AFDN: variants seen among roughly 807,000 people sequenced by gnomAD.
AFDN encodes afadin.
In AFDN, 68 loss-of-function variants were observed where a neutral mutation model predicts 216.6. The observed-to-expected ratio is 0.31, with a 90% confidence interval of 0.26 to 0.38. The LOEUF is 0.38. Ranked by LOEUF, AFDN falls within the 10% of genes least tolerant of loss-of-function variation. The pLI, the probability that AFDN is intolerant of heterozygous loss-of-function variation, is 1.00. For synonymous variants in AFDN, 868 were observed against 853.7 expected, an observed-to-expected ratio of 1.02 and a Z score of -0.29; for missense variants, 2,136 against 2,342.0, an observed-to-expected ratio of 0.91 and a Z score of 1.82.
intron 1 of AFDN, among the ~76,000 whole-genome samples, chr6:167,850,145 C>T (rs1469299801): frequency 6.6e-6 from 1 of 152,180 alleles, no homozygotes; most frequent in East Asian, 1.9e-4. Context: ...ACCAGAACAA[C>T]ACATTGTTTT....
At chr6:167,963,284 G>T (rs988253718) in intron 31 of AFDN, 17 of 1,063,064 alleles carry the variant, frequency 1.6e-5, no homozygotes, top group Non-Finnish European at 1.9e-5. Context: ...TAGCCGTTGA[G>T]CTCCCTGTGG....
intron 21 of AFDN, among the ~76,000 whole-genome samples, chr6:167,921,640 T>C (rs1791822138): frequency 6.6e-6 from 1 of 152,054 alleles, no homozygotes; most frequent in African/African-American, 2.4e-5. Context: ...ATTTGTAATA[T>C]GGTCCAGAGC....
At chr6:167,947,053 A>G (rs1752475179) in intron 27 of AFDN, 152 bp downstream of exon 27, 1 of 666,596 alleles carries the variant, frequency 1.5e-6, no homozygotes, top group Non-Finnish European at 2.4e-6. Flanking sequence ...CATAAGTAAC[A>G]TTTCTCTAAC....
intron 5 of AFDN, among the ~76,000 whole-genome samples, chr6:167,878,433 G>A (rs1352044261): frequency 2.0e-5 from 3 of 151,870 alleles, no homozygotes; most frequent in Non-Finnish European, 4.4e-5. Flanking sequence ...AGTTTAAATG[G>A]ACTCCACTCC....
chr6:167,937,109 T>A (rs1794104285), intron 23 of AFDN, among the ~76,000 whole-genome samples: 1 of 151,462 alleles, frequency 6.6e-6, no homozygotes, highest in Admixed American at 6.6e-5. Flanking sequence ...AGGAAAGGAG[T>A]GTGTACAGAA....
At chr6:167,875,250 T>G in intron 4 of AFDN, 85 bp from the exon 5 acceptor site, 1 of 1,324,948 alleles carries the variant, frequency 7.5e-7, no homozygotes, top group Non-Finnish European at 1.0e-6. Flanking sequence ...GCACCTGCCA[T>G]TTTGATTTTT....
intron 23 of AFDN, among the ~76,000 whole-genome samples, chr6:167,928,497 C>G (rs1019424476): frequency 6.6e-6 from 1 of 152,240 alleles, no homozygotes; most frequent in Non-Finnish European, 1.5e-5. Flanking sequence ...GGAGAATCCT[C>G]TCACTTCAAG....
chr6:167,949,344 T>C (rs1795700557), intron 29 of AFDN, among the ~76,000 whole-genome samples: 1 of 152,072 alleles, frequency 6.6e-6, no homozygotes, highest in Non-Finnish European at 1.5e-5. Flanking sequence ...AGAGTTGAGA[T>C]GGAATTTGAG....
chr6:167,857,371 T>A (rs182444603), intron 1 of AFDN, among the ~76,000 whole-genome samples: 1 of 152,222 alleles, frequency 6.6e-6, no homozygotes, highest in African/African-American at 2.4e-5. Context: ...AAGGGCTGGA[T>A]CTAAAATAAT....
intron 30 of AFDN, among the ~76,000 whole-genome samples, chr6:167,957,620 T>A (rs1346206173): frequency 6.6e-6 from 1 of 152,218 alleles, no homozygotes; most frequent in Non-Finnish European, 1.5e-5. Flanking sequence ...TTCCTTTATA[T>A]CGCATGGGCA....
intron 9 of AFDN, among the ~76,000 whole-genome samples, chr6:167,895,615 T>G (rs985496675): frequency 6.6e-6 from 1 of 152,192 alleles, no homozygotes; most frequent in Non-Finnish European, 1.5e-5. Context: ...TTGTGTACCC[T>G]AAAATTAACA....
intron 1 of AFDN, among the ~76,000 whole-genome samples, chr6:167,849,808 G>C (rs1401744126): frequency 1.3e-5 from 2 of 152,156 alleles, no homozygotes; most frequent in Admixed American, 6.5e-5. Flanking sequence ...GTTTTGCAAA[G>C]AGAATTAATT....
chr6:167,947,019 G>A, intron 27 of AFDN, 118 bp downstream of exon 27: 1 of 887,790 alleles, frequency 1.1e-6, no homozygotes, highest in Non-Finnish European at 1.7e-6. Context: ...TGGCTAACTA[G>A]GATATGGTTT....
intron 11 of AFDN, among the ~76,000 whole-genome samples, chr6:167,899,830 A>G (rs975147949): frequency 3.9e-5 from 6 of 152,174 alleles, no homozygotes; most frequent in African/African-American, 1.4e-4. Flanking sequence ...GTTGTAATAT[A>G]TTTCTTGTGA....
chr6:167,920,023 C>T (rs1791576771), intron 21 of AFDN, among the ~76,000 whole-genome samples: 1 of 152,170 alleles, frequency 6.6e-6, no homozygotes, highest in African/African-American at 2.4e-5. Flanking sequence ...ACAAAGGCTG[C>T]TTCTTTAATG....
Position 167,962,658 on chromosome 6 carries a change from T to C in AFDN, c.4968+91T>C. 2 of 1,594,648 alleles carry C rather than the reference T, an allele frequency of 1.3e-6. No individual in the cohort carries two copies. Among genetic ancestry groups the C allele is most frequent in the Non-Finnish European group, 1.7e-6 (2 of 1,167,330 alleles). ...GCAGAGCGGGCTGGAAGTTCTGTGTTTCTTAAGAAGCACGAGGCAGAGCAG... is the reference window on the plus strand; with the variant it reads ...GCAGAGCGGGCTGGAAGTTCTGTGTCTCTTAAGAAGCACGAGGCAGAGCAG... On this transcript the variant is annotated intron_variant, in intron 31 of 33. Transcript: ENST00000683244. The surrounding 1 kb of genome is among the most constrained non-coding windows in gnomAD (Gnocchi z 5.2).
chr6:167,917,279 A>T (rs1791203327), intron 20 of AFDN, 47 bp downstream of exon 20: 1 of 1,425,172 alleles, frequency 7.0e-7, no homozygotes. Context: ...ACATGTTTGC[A>T]TGGGGACATT....
intron 1 of AFDN, among the ~76,000 whole-genome samples, chr6:167,844,849 CTTTTTTTTTTT>C (rs67495555): frequency 7.8e-6 from 1 of 127,716 alleles, no homozygotes; most frequent in East Asian, 2.4e-4. Context: ...CTTTTCTTTT[CTTTTTTTTTTT>C]TTTTTTTTTT....
chr6:167,846,182 A>G (rs1781653361), intron 1 of AFDN, among the ~76,000 whole-genome samples: 1 of 152,050 alleles, frequency 6.6e-6, no homozygotes, highest in Admixed American at 6.6e-5. Flanking sequence ...TCTAGTAGGT[A>G]GCAGTTTATC....
Sources: allele counts gnomAD v4.1 joint callset (sites outside exome capture counted in the v4.1 genomes callset), GRCh38; gene constraint gnomAD v4.1.1; non-coding constraint Gnocchi (gnomAD v3.1); transcripts MANE v1.5; gene names NCBI Gene and HGNC (gene_info 2026-07-23, HGNC 2026-07-21).